Variants in ZBTB44 observed in about 807,000 individuals in gnomAD.
ZBTB44 encodes zinc finger and BTB domain-containing protein 44.
Under a neutral mutation model 54.0 loss-of-function variants are expected in ZBTB44, and 15 were observed. The ratio of observed to expected loss-of-function variants is 0.28; its 90% CI spans 0.19 to 0.43. ZBTB44 has a LOEUF of 0.43. ZBTB44 is among the 20% of genes least tolerant of loss of function. ZBTB44 has a pLI of 1.00. For missense variants in ZBTB44, 487 were observed against 707.1 expected (o/e 0.69, Z 3.53); for synonymous variants, 230 against 250.1 (o/e 0.92, Z 0.76).
chr11:130,305,389 G>A (rs1336516455), intron 1 of ZBTB44, among the ~76,000 whole-genome samples: 6 of 152,176 alleles, frequency 3.9e-5, no homozygotes, highest in Non-Finnish European at 7.4e-5. Flanking sequence ...AAACAGCATG[G>A]TACTGGTATA....
intron 1 of ZBTB44, among the ~76,000 whole-genome samples, chr11:130,302,008 C>T (rs1292021889): frequency 6.8e-6 from 1 of 147,468 alleles, no homozygotes; most frequent in Non-Finnish European, 1.5e-5. Flanking sequence ...GCCACGATCA[C>T]ACCACTGCAC....
chr11:130,276,217 C>G (rs180877015), intron 1 of ZBTB44, among the ~76,000 whole-genome samples: 1 of 44,516 alleles, frequency 2.2e-5, no homozygotes, highest in Non-Finnish European at 4.6e-5. Context: ...CAAGAGTGAA[C>G]GTGAAACTCT....
chr11:130,262,147 GTTTTGTTTTT>G (rs1938906155), intron 1 of ZBTB44, among the ~76,000 whole-genome samples: 1 of 151,304 alleles, frequency 6.6e-6, no homozygotes, highest in African/African-American at 2.4e-5. Context: ...TTTTTGTTTT[GTTTTGTTTTT>G]GAGACAGAGT....
intron 1 of ZBTB44, among the ~76,000 whole-genome samples, chr11:130,266,907 C>T (rs1368907222): frequency 6.6e-6 from 1 of 152,146 alleles, no homozygotes; most frequent in African/African-American, 2.4e-5. Context: ...ACTACATACA[C>T]CTTGTTGATA....
intron 1 of ZBTB44, among the ~76,000 whole-genome samples, chr11:130,268,445 A>G (rs1401982902): frequency 6.6e-6 from 1 of 152,150 alleles, no homozygotes; most frequent in Admixed American, 6.5e-5. Flanking sequence ...TTTTAGCAAC[A>G]AAGTATTTTT....
At chr11:130,254,153 C>T (rs1405058155) in intron 2 of ZBTB44, among the ~76,000 whole-genome samples, 3 of 152,194 alleles carry the variant, frequency 2.0e-5, no homozygotes, top group Non-Finnish European at 2.9e-5. Flanking sequence ...AGGACATAGG[C>T]ATGGGCAAGG....
At chr11:130,304,599 A>C (rs1942166794) in intron 1 of ZBTB44, among the ~76,000 whole-genome samples, 1 of 152,106 alleles carries the variant, frequency 6.6e-6, no homozygotes, top group Admixed American at 6.6e-5. Flanking sequence ...TATAATAAGA[A>C]TATACATATA....
At chr11:130,246,323 TTAC>T (rs1249619551) in intron 2 of ZBTB44, among the ~76,000 whole-genome samples, 1 of 152,108 alleles carries the variant, frequency 6.6e-6, no homozygotes, top group African/African-American at 2.4e-5. Context: ...ATGCACAATA[TTAC>T]TTTCCTGAGG....
chr11:130,304,572 A>G (rs1375110679), intron 1 of ZBTB44, among the ~76,000 whole-genome samples: 1 of 152,184 alleles, frequency 6.6e-6, no homozygotes, highest in African/African-American at 2.4e-5. Flanking sequence ...GTTTTTACAC[A>G]GCTGCCAATA....
At chr11:130,270,404 C>A (rs1452417995) in intron 1 of ZBTB44, among the ~76,000 whole-genome samples, 1 of 152,196 alleles carries the variant, frequency 6.6e-6, no homozygotes, top group Non-Finnish European at 1.5e-5. Context: ...CTTTTATCAA[C>A]TATGCTCCAG....
chr11:130,241,607 T>G (rs546270862), intron 2 of ZBTB44, among the ~76,000 whole-genome samples: 1 of 152,338 alleles, frequency 6.6e-6, no homozygotes, highest in East Asian at 1.9e-4. Context: ...ATATAAGCCC[T>G]TGGTCAGTGA....
At chr11:130,306,635 AT>A (rs1361990579) in intron 1 of ZBTB44, among the ~76,000 whole-genome samples, 2 of 152,218 alleles carry the variant, frequency 1.3e-5, no homozygotes, top group African/African-American at 2.4e-5. Flanking sequence ...ACAATTCACA[AT>A]TGCAAAAATA....
intron 1 of ZBTB44, among the ~76,000 whole-genome samples, chr11:130,274,149 T>C (rs1939881929): frequency 6.6e-6 from 1 of 151,210 alleles, no homozygotes; most frequent in Non-Finnish European, 1.5e-5. Flanking sequence ...GCATTACATG[T>C]TATTAGTTGA....
intron 1 of ZBTB44, among the ~76,000 whole-genome samples, chr11:130,308,234 T>C (rs1942385225): frequency 6.6e-6 from 1 of 152,220 alleles, no homozygotes; most frequent in South Asian, 2.1e-4. Context: ...TTTATGATGT[T>C]CATACAATGA....
intron 2 of ZBTB44, among the ~76,000 whole-genome samples, chr11:130,254,677 G>C (rs535298456): frequency 6.6e-6 from 1 of 152,278 alleles, no homozygotes; most frequent in African/African-American, 2.4e-5. Flanking sequence ...CGATTCCTCA[G>C]GGATCTAGAA....
Position 130,238,339 on chromosome 11 carries a change from G to GT in ZBTB44, c.1267+104dup, listed in dbSNP as rs200944565. ...ATCTGTTTTCATTTGACTTCCCAGAGTTTTTTTTAAAACTCAGAAGCCCCT... is the reference window on the plus strand; with the variant it reads ...ATCTGTTTTCATTTGACTTCCCAGAGTTTTTTTTTAAAACTCAGAAGCCCCT... On this transcript the variant is annotated intron_variant, in intron 4 of 7. Coordinates refer to ENST00000357899, the MANE Select transcript of ZBTB44 (RefSeq NM_001301098.2). 7,189 of 1,345,266 alleles carry GT rather than the reference G, an allele frequency of 5.3e-3. 40 individuals carry two copies. The highest frequency in any genetic ancestry group is 0.031 in the African/African-American group (2,076 of 66,796). The allele number at this position is 1,345,266 out of a possible 1,614,324, so 83.3% of individuals were successfully genotyped here. A position where few individuals can be genotyped will look rare whatever the true frequency, so the allele number is the denominator to read the frequency against.
intron 1 of ZBTB44, among the ~76,000 whole-genome samples, chr11:130,271,367 A>T (rs1939658102): frequency 6.6e-6 from 1 of 152,184 alleles, no homozygotes; most frequent in South Asian, 2.1e-4. Flanking sequence ...TCCTTAGAGA[A>T]ATGGCTGATT....
At chr11:130,273,046 A>G (rs971841259) in intron 1 of ZBTB44, among the ~76,000 whole-genome samples, 1 of 152,148 alleles carries the variant, frequency 6.6e-6, no homozygotes, top group African/African-American at 2.4e-5. Context: ...CTGCAACTCC[A>G]TATTAATTTC....
At chr11:130,237,530 AAG>A (rs1954158698) in intron 4 of ZBTB44, among the ~76,000 whole-genome samples, 1 of 152,240 alleles carries the variant, frequency 6.6e-6, no homozygotes, top group Non-Finnish European at 1.5e-5. Flanking sequence ...AACGAGAAGA[AAG>A]AACAATTTTA....
Sources: gnomAD v4.1 joint callset for allele counts (sites outside exome capture counted in the v4.1 genomes callset) on GRCh38, gnomAD v4.1.1 for gene constraint, MANE v1.5 for transcripts, NCBI Gene and HGNC (gene_info 2026-07-23, HGNC 2026-07-21) for gene names.